GLI3: variants seen among roughly 807,000 people sequenced by gnomAD.
GLI3 encodes the protein transcription activator GLI3.
Under a neutral mutation model 100.8 loss-of-function variants are expected in GLI3, and 20 were observed. The observed-to-expected ratio is 0.20, with a 90% CI of 0.14 to 0.29. GLI3 has a LOEUF of 0.29. GLI3 is among the 10% of genes least tolerant of loss of function. The probability of loss-of-function intolerance (pLI) is 1.00; values close to 1 mark genes in which losing one functional copy is unlikely to be tolerated. For synonymous variants in GLI3, 938 were observed against 860.5 expected (o/e 1.09, Z -1.58); for missense variants, 2,040 against 2,128.5 (o/e 0.96, Z 0.82).
At chr7:42,077,868 A>G (rs1434648901) in intron 3 of GLI3, among the ~76,000 whole-genome samples, 1 of 152,122 alleles carries the variant, frequency 6.6e-6, no homozygotes, top group African/African-American at 2.4e-5. Flanking sequence ...TGGAGGTTTG[A>G]CTCCATGTCT....
At chr7:42,225,640 C>T (rs1166410232) in intron 1 of GLI3, among the ~76,000 whole-genome samples, 5 of 152,190 alleles carry the variant, frequency 3.3e-5, no homozygotes, top group Non-Finnish European at 7.3e-5. Context: ...GGAGTACAGG[C>T]GTGAGCCTTG....
intron 3 of GLI3, among the ~76,000 whole-genome samples, chr7:42,106,283 C>T (rs984376280): frequency 6.6e-6 from 1 of 152,220 alleles, no homozygotes; most frequent in South Asian, 2.1e-4. Flanking sequence ...TGCTCACAGA[C>T]ACCCACTCAG....
At chr7:42,172,835 A>G (rs945235278) in intron 2 of GLI3, 2 of 557,178 alleles carry the variant, frequency 3.6e-6, no homozygotes, top group Non-Finnish European at 6.4e-6. Flanking sequence ...CTTCTACCTA[A>G]TATCACTCTC....
rs189552304 is a variant in GLI3 at position 41,999,178 on chromosome 7, T to C, written c.1498-20430A>G. Reference sequence around the variant, plus strand: ...ATGCTGGACCTTAGATGGCAAAAACTACTAAGAAAAAAAATGAGACCATCT... The same window carrying C: ...ATGCTGGACCTTAGATGGCAAAAACCACTAAGAAAAAAAATGAGACCATCT... On this transcript the variant is annotated intron_variant, in intron 10 of 14. Coordinates refer to ENST00000395925, the MANE Select transcript of GLI3 (RefSeq NM_000168.6). 2.0e-5 allele frequency among the ~76,000 whole-genome samples: 3 copies of C among 152,058 alleles called. No homozygotes were observed. The East Asian group carries it at 5.8e-4, about 29-fold the overall frequency.
At chr7:42,070,362 T>C (rs1784761064) in intron 4 of GLI3, among the ~76,000 whole-genome samples, 1 of 152,206 alleles carries the variant, frequency 6.6e-6, no homozygotes. Context: ...CCAGTAACAC[T>C]GAAAACTTCC....
At chr7:42,131,931 A>G (rs1786287500) in intron 3 of GLI3, among the ~76,000 whole-genome samples, 1 of 152,134 alleles carries the variant, frequency 6.6e-6, no homozygotes. Flanking sequence ...GTCAGGATAT[A>G]AAAATATAAG....
chr7:42,001,019 G>T (rs1047723370), intron 10 of GLI3, among the ~76,000 whole-genome samples: 1 of 151,990 alleles, frequency 6.6e-6, no homozygotes, highest in African/African-American at 2.4e-5. Context: ...GGCCAAGGTG[G>T]GTGAATCATG....
chr7:42,183,405 G>T (rs1255736567), intron 2 of GLI3, among the ~76,000 whole-genome samples: 1 of 152,128 alleles, frequency 6.6e-6, no homozygotes, highest in Non-Finnish European at 1.5e-5. Context: ...TGTTATTTGG[G>T]TGGGGGGCAA....
chr7:42,029,839 CT>C (rs1436123791), intron 7 of GLI3, among the ~76,000 whole-genome samples: 1 of 152,162 alleles, frequency 6.6e-6, no homozygotes, highest in Non-Finnish European at 1.5e-5. Context: ...CAATTCTATT[CT>C]CATGGCAGCA....
chr7:42,247,428 A>C (rs992621036), intron 1 of GLI3, among the ~76,000 whole-genome samples: 3 of 152,156 alleles, frequency 2.0e-5, no homozygotes, highest in African/African-American at 7.2e-5. Context: ...GACACTGTAC[A>C]GTCATTGTCT....
At chr7:42,059,011 C>A (rs973766014) in intron 4 of GLI3, among the ~76,000 whole-genome samples, 21 of 152,118 alleles carry the variant, frequency 1.4e-4, no homozygotes, top group African/African-American at 5.1e-4. Flanking sequence ...TACTTGAGAG[C>A]TAAATGACCA....
intron 1 of GLI3, among the ~76,000 whole-genome samples, chr7:42,262,606 G>A (rs551738975): frequency 1.3e-5 from 2 of 152,182 alleles, no homozygotes; most frequent in South Asian, 4.1e-4. Flanking sequence ...GAATTTCTGG[G>A]GCAGACTCTC....
At chr7:42,101,742 T>G (rs1472264441) in intron 3 of GLI3, among the ~76,000 whole-genome samples, 7 of 150,982 alleles carry the variant, frequency 4.6e-5, no homozygotes, top group Non-Finnish European at 1.0e-4. Flanking sequence ...TTGTGCAGGT[T>G]AGTTACATAC....
chr7:42,132,998 T>C (rs1418171883), intron 3 of GLI3, among the ~76,000 whole-genome samples: 1 of 152,126 alleles, frequency 6.6e-6, no homozygotes, highest in Non-Finnish European at 1.5e-5. Context: ...CCATATTCCA[T>C]TGTTACTAAC....
At chr7:42,226,261 A>T (rs1160452823) in intron 1 of GLI3, among the ~76,000 whole-genome samples, 1 of 152,196 alleles carries the variant, frequency 6.6e-6, no homozygotes, top group Middle Eastern at 3.2e-3. Context: ...CCAGAAAAAA[A>T]CCCATTCAGA....
At chr7:42,000,999 C>A (rs1284159571) in intron 10 of GLI3, among the ~76,000 whole-genome samples, 3 of 152,014 alleles carry the variant, frequency 2.0e-5, no homozygotes, top group Non-Finnish European at 4.4e-5. Context: ...GTAATCCCAG[C>A]ACTTTGGGAG....
chr7:42,012,634 T>C (rs770933619), intron 10 of GLI3, among the ~76,000 whole-genome samples: 8 of 152,102 alleles, frequency 5.3e-5, no homozygotes, highest in Non-Finnish European at 1.0e-4. Flanking sequence ...CTTTTCATCT[T>C]AAAATAAGAT....
intron 7 of GLI3, among the ~76,000 whole-genome samples, chr7:42,037,254 G>A (rs1421609562): frequency 6.6e-6 from 1 of 152,212 alleles, no homozygotes; most frequent in African/African-American, 2.4e-5. Flanking sequence ...TGTCGCAGAG[G>A]CTAAACGCAC....
At position 41,964,069 on chromosome 7, in the gene GLI3, T is replaced by G. The variant is rs909636458; in HGVS notation, c.*261A>C. On this transcript the variant is annotated 3_prime_UTR_variant, in exon 15 of 15. Transcript: ENST00000395925. ...AAAAGGGGGCGGGGCTTACAGTTTT[T>G]TTTTTTTTTTTTAAAAAGAGGGTGG... The G allele has an allele frequency of 1.3e-4, 38 of 297,320 alleles. 1 individual carries two copies. The highest frequency in any genetic ancestry group is 2.0e-4 in the African/African-American group (9 of 45,896). The allele number at this position is 297,320 out of a possible 1,614,324, so 18.4% of individuals were successfully genotyped here. A position where few individuals can be genotyped will look rare whatever the true frequency, so the allele number is the denominator to read the frequency against.
Sources: gnomAD v4.1 joint callset for allele counts (sites outside exome capture counted in the v4.1 genomes callset) on GRCh38, gnomAD v4.1.1 for gene constraint, MANE v1.5 for transcripts, NCBI Gene and HGNC (gene_info 2026-07-23, HGNC 2026-07-21) for gene names.